Variants in SP100 observed in about 807,000 individuals in gnomAD.
The protein encoded by SP100 is SP100 nuclear body protein, also known as nuclear autoantigen Sp-100.
In SP100, 84 loss-of-function variants were observed where a neutral mutation model predicts 130.0. The ratio of observed to expected loss-of-function variants is 0.65; its 90% confidence interval spans 0.54 to 0.77. The LOEUF is 0.77. SP100 is among the 30% of genes least tolerant of loss of function. The probability of loss-of-function intolerance (pLI) is 0.00; values close to 1 mark genes in which losing one functional copy is unlikely to be tolerated. For missense variants in SP100, 978 were observed against 1,052.2 expected (o/e 0.93, Z 0.97); for synonymous variants, 331 against 351.7 (o/e 0.94, Z 0.66).
chr2:230,463,842 A>C, intron 10 of SP100: 1 of 339,472 alleles, frequency 2.9e-6, no homozygotes, highest in Non-Finnish European at 5.5e-6. Flanking sequence ...AAGCGTGGGA[A>C]AGCAAAGGCC....
intron 4 of SP100, among the ~76,000 whole-genome samples, chr2:230,445,101 T>C (rs765362423): frequency 3.3e-5 from 5 of 152,254 alleles, no homozygotes; most frequent in African/African-American, 4.8e-5. Flanking sequence ...AACTGATTAC[T>C]CTGCCAGGGA....
At chr2:230,502,276 C>T (rs1339813009) in intron 19 of SP100, among the ~76,000 whole-genome samples, 1 of 152,132 alleles carries the variant, frequency 6.6e-6, no homozygotes, top group Non-Finnish European at 1.5e-5. Flanking sequence ...TCTTGAATAG[C>T]CTTCATTGGG....
rs77863480 is a variant in SP100, at chr2:230,457,685, T to C, written c.821-3577T>C. ...GCCCTTTTCAATGTGCTCTTTCTTATTTCTGTGTTTCACTCAGGTGCTGTG... is the reference window on the plus strand; with the variant it reads ...GCCCTTTTCAATGTGCTCTTTCTTACTTCTGTGTTTCACTCAGGTGCTGTG... On this transcript the variant is annotated intron_variant, in intron 8 of 28. Coordinates refer to ENST00000340126, the MANE Select transcript of SP100 (RefSeq NM_001080391.2). 6.4e-3 allele frequency among the ~76,000 whole-genome samples: 973 copies of C among 152,296 alleles called. 7 individuals are homozygous for C. Among genetic ancestry groups the C allele is most frequent in the African/African-American group, 0.021 (889 of 41,536 alleles).
intron 24 of SP100, among the ~76,000 whole-genome samples, chr2:230,522,473 G>GTTTTTTTTT (rs1553645236): frequency 2.1e-5 from 1 of 47,500 alleles, no homozygotes; most frequent in African/African-American, 8.3e-5. Flanking sequence ...TGGCCCCAGT[G>GTTTTTTTTT]TTCTTTTTTT....
intron 24 of SP100, among the ~76,000 whole-genome samples, chr2:230,517,262 A>G (rs966000233): frequency 6.6e-6 from 1 of 152,216 alleles, no homozygotes; most frequent in Non-Finnish European, 1.5e-5. Context: ...CCTGCCAAAG[A>G]TGTAGAAAGG....
rs111747721 is a variant in SP100 at position 230,498,549 on chromosome 2, AAT to A, written c.1720+16_1720+17del. The A allele has an allele frequency of 3.9e-6, 5 of 1,294,552 alleles. No homozygotes were observed. The African/African-American group carries it at 6.3e-5, about 16-fold the overall frequency. 80.2% of individuals were successfully genotyped at this position (1,294,552 alleles called of 1,614,324 possible). On this transcript the variant is annotated intron_variant, in intron 19 of 28. Coordinates refer to ENST00000340126, the MANE Select transcript of SP100 (RefSeq NM_001080391.2). ...GGCAACAAAGAGGTAAAAAAAAAAA[AAT>A]ACATTTTAAATAAATAACGTCTAAA... is the stretch of plus-strand genomic sequence containing the variant.
chr2:230,488,784 G>A (rs919040157), intron 17 of SP100, among the ~76,000 whole-genome samples: 3 of 152,114 alleles, frequency 2.0e-5, no homozygotes, highest in Non-Finnish European at 4.4e-5. Flanking sequence ...ATAATCATGT[G>A]GTTTTTGTCT....
Position 230,539,260 on chromosome 2 carries a change from C to T in SP100, c.2095-7C>T. Reference sequence around the variant, plus strand: ...GATCCCGGTGATGTCTACATCTCCCCTTCTAGCCGGAAAACTCAAATATAT... The same window carrying T: ...GATCCCGGTGATGTCTACATCTCCCTTTCTAGCCGGAAAACTCAAATATAT... On this transcript the variant is annotated splice_region_variant and splice_polypyrimidine_tract_variant and intron_variant, in intron 24 of 28. Coordinates refer to ENST00000340126, the MANE Select transcript of SP100 (RefSeq NM_001080391.2). 6.2e-7 allele frequency: 1 copy of T among 1,603,950 alleles called. No homozygotes were observed. Among genetic ancestry groups the T allele is most frequent in the South Asian group, 1.1e-5 (1 of 90,836 alleles).
intron 16 of SP100, among the ~76,000 whole-genome samples, 170 bp from the exon 17 acceptor site, chr2:230,474,224 G>A (rs915235135): frequency 6.6e-6 from 1 of 152,180 alleles, no homozygotes; most frequent in Admixed American, 6.5e-5. Flanking sequence ...AGAACTAGAC[G>A]AAGACCTTAG....
At chr2:230,504,119 C>A in intron 20 of SP100, 67 bp from the exon 21 acceptor site, 2 of 790,376 alleles carry the variant, frequency 2.5e-6, no homozygotes, top group Non-Finnish European at 4.3e-6. Flanking sequence ...GCTCTCAAGA[C>A]AGGTGGGGAG....
At chr2:230,432,261 T>C (rs2063121264) in intron 2 of SP100, among the ~76,000 whole-genome samples, 1 of 152,256 alleles carries the variant, frequency 6.6e-6, no homozygotes, top group African/African-American at 2.4e-5. Context: ...TATATGGCTC[T>C]ATCAATGGTA....
intron 2 of SP100, among the ~76,000 whole-genome samples, chr2:230,436,268 T>G (rs994313307): frequency 1.3e-5 from 2 of 152,304 alleles, no homozygotes; most frequent in Admixed American, 6.5e-5. Flanking sequence ...TGTATGTCGT[T>G]CCAAATAAAA....
intron 8 of SP100, among the ~76,000 whole-genome samples, chr2:230,459,367 C>T (rs2064460630): frequency 6.6e-6 from 1 of 152,086 alleles, no homozygotes; most frequent in Non-Finnish European, 1.5e-5. Flanking sequence ...CAGCTGCCCT[C>T]TTATCAAAAT....
intron 17 of SP100, among the ~76,000 whole-genome samples, chr2:230,475,353 G>T (rs1489802302): frequency 6.6e-6 from 1 of 152,054 alleles, no homozygotes; most frequent in African/African-American, 2.4e-5. Context: ...AGAAGTGTCT[G>T]TTCATGTCCT....
intron 2 of SP100, among the ~76,000 whole-genome samples, chr2:230,429,549 A>G (rs1224300828): frequency 6.6e-6 from 1 of 151,806 alleles, no homozygotes; most frequent in Non-Finnish European, 1.5e-5. Flanking sequence ...CTTTCTGTTC[A>G]TTTTCTCTCT....
intron 2 of SP100, among the ~76,000 whole-genome samples, chr2:230,425,995 G>A (rs902190013): frequency 1.3e-5 from 2 of 151,998 alleles, no homozygotes; most frequent in African/African-American, 4.8e-5. Context: ...TGTATTTCTA[G>A]GACTTTATCT....
rs780323812 is a variant in SP100, at chr2:230,473,318, A to C, written c.1430-6A>C. On this transcript the variant is annotated splice_polypyrimidine_tract_variant and splice_region_variant and intron_variant, in intron 15 of 28. Transcript: ENST00000340126. The stretch of plus-strand genomic sequence containing the variant: ...CAAATAAAAATGTTTACAAATCACA[A>C]TTTAGGATCACAGCCACAAGAACCT... 3.1e-6 allele frequency: 5 copies of C among 1,603,430 alleles called. No homozygotes were observed. The highest frequency in any genetic ancestry group is 4.3e-6 in the Non-Finnish European group (5 of 1,170,644).
chr2:230,433,193 G>C (rs1413862480), intron 2 of SP100, among the ~76,000 whole-genome samples: 2 of 152,062 alleles, frequency 1.3e-5, no homozygotes, highest in Non-Finnish European at 2.9e-5. Context: ...GTGAGGTAAG[G>C]GTCTAATTTC....
chr2:230,493,212 TTTTTA>T (rs2066480735), intron 17 of SP100, among the ~76,000 whole-genome samples: 3 of 152,192 alleles, frequency 2.0e-5, no homozygotes, highest in South Asian at 2.1e-4. Context: ...TATTTTCTAT[TTTTTA>T]TTTTATGTTA....
Sources: gnomAD v4.1 joint callset for allele counts (sites outside exome capture counted in the v4.1 genomes callset) on GRCh38, gnomAD v4.1.1 for gene constraint, MANE v1.5 for transcripts, NCBI Gene and HGNC (gene_info 2026-07-23, HGNC 2026-07-21) for gene names.